The following GRM5 variants were observed in gnomAD, a reference collection of about 807,000 sequenced individuals.
The protein encoded by GRM5 is metabotropic glutamate receptor 5.
GRM5 carries 19 observed loss-of-function variants against 83.1 expected under a neutral mutation model. The observed-to-expected ratio is 0.23, with a 90% CI of 0.16 to 0.34. The LOEUF (loss-of-function observed/expected upper bound fraction) is 0.34, where lower values mean the gene tolerates loss of function less well. Among genes scored for constraint, GRM5 ranks in the 10% least tolerant of loss-of-function variants. The pLI is 1.00. For synonymous variants in GRM5, 675 were observed against 633.6 expected, an observed-to-expected ratio of 1.07 and a Z score of -0.98; for missense variants, 1,160 against 1,588.3, an observed-to-expected ratio of 0.73 and a Z score of 4.58.
At chr11:88,950,049 G>A (rs1033498464) in intron 2 of GRM5, among the ~76,000 whole-genome samples, 1 of 111,284 alleles carries the variant, frequency 9.0e-6, no homozygotes, top group Admixed American at 9.3e-5. Context: ...TTTTTTTTTT[G>A]TATTTTAGTA....
At chr11:88,630,597 T>A (rs1213951295) in intron 4 of GRM5, among the ~76,000 whole-genome samples, 1 of 149,052 alleles carries the variant, frequency 6.7e-6, no homozygotes, top group Non-Finnish European at 1.5e-5. Context: ...ACACATATTA[T>A]GATGGAGTTT....
chr11:88,843,536 C>T lies in GRM5; in HGVS notation c.911+6370G>A, dbSNP rs189336219. 1.4e-4 allele frequency among the ~76,000 whole-genome samples: 22 copies of T among 152,296 alleles called. No individual in the cohort carries two copies. The Middle Eastern group carries it at 0.01, about 71-fold the overall frequency. On this transcript the variant is annotated intron_variant, in intron 3 of 9. Transcript: ENST00000305447. ...TGGCTGTACTTCCGTCTCTCTCCCT[C>T]TCCTCAGGCCTCCCTAACCCTAGAG...
Position 88,613,536 on chromosome 11 carries a change from A to G in GRM5, c.1148-8572T>C, listed in dbSNP as rs796928011. On this transcript the variant is annotated intron_variant, in intron 4 of 9. Coordinates refer to ENST00000305447, the MANE Select transcript of GRM5 (RefSeq NM_001143831.3). ...GTTTTTTGTTTTCCATTTGCCTGATAGATCTTTCTCCATGTCTTTAGTTTT... is the reference window on the plus strand; with the variant it reads ...GTTTTTTGTTTTCCATTTGCCTGATGGATCTTTCTCCATGTCTTTAGTTTT... Among the ~76,000 whole-genome samples, 3 of 152,178 alleles carry G rather than the reference A, an allele frequency of 2.0e-5. No homozygotes were observed. In the South Asian group the frequency reaches 6.2e-4, roughly 31 times the overall value.
At chr11:88,666,640 T>C (rs949742107) in intron 3 of GRM5, among the ~76,000 whole-genome samples, 7 of 152,224 alleles carry the variant, frequency 4.6e-5, no homozygotes, top group African/African-American at 1.7e-4. Flanking sequence ...GTAACCACTT[T>C]GAGTTTTTAT....
At chr11:88,741,172 T>C (rs1942020171) in intron 3 of GRM5, among the ~76,000 whole-genome samples, 1 of 152,014 alleles carries the variant, frequency 6.6e-6, no homozygotes, top group Non-Finnish European at 1.5e-5. Context: ...ATAACAAATA[T>C]CAGCGTGGCT....
At chr11:89,018,771 G>C (rs921163274) in intron 2 of GRM5, among the ~76,000 whole-genome samples, 2 of 152,042 alleles carry the variant, frequency 1.3e-5, no homozygotes, top group East Asian at 1.9e-4. Context: ...GAATTTTGAA[G>C]GATAAATAAG....
intron 3 of GRM5, among the ~76,000 whole-genome samples, chr11:88,692,325 A>C (rs1387777019): frequency 6.6e-6 from 1 of 152,218 alleles, no homozygotes; most frequent in Admixed American, 6.5e-5. Flanking sequence ...GATTTTATAC[A>C]GAGTAAGTGC....
chr11:88,765,469 A>T (rs1942610322), intron 3 of GRM5, among the ~76,000 whole-genome samples: 1 of 151,490 alleles, frequency 6.6e-6, no homozygotes, highest in South Asian at 2.1e-4. Flanking sequence ...AAGCCATAGT[A>T]ATCGTAACAG....
At chr11:88,780,037 C>A (rs1382797142) in intron 3 of GRM5, among the ~76,000 whole-genome samples, 1 of 152,182 alleles carries the variant, frequency 6.6e-6, no homozygotes, top group African/African-American at 2.4e-5. Context: ...TTGGCTAAGT[C>A]TGACTAATTT....
At chr11:88,681,022 T>A (rs1940471672) in intron 3 of GRM5, among the ~76,000 whole-genome samples, 1 of 152,200 alleles carries the variant, frequency 6.6e-6, no homozygotes, top group African/African-American at 2.4e-5. Context: ...ACTCATTCTA[T>A]GTCTCAGAGT....
At chr11:88,994,045 T>A (rs1264806852) in intron 2 of GRM5, among the ~76,000 whole-genome samples, 1 of 151,876 alleles carries the variant, frequency 6.6e-6, no homozygotes, top group African/African-American at 2.4e-5. Context: ...ATAAAAGCAA[T>A]ATACAAAAAT....
intron 3 of GRM5, among the ~76,000 whole-genome samples, chr11:88,826,983 A>G (rs10501694): frequency 0.17 from 25,502 of 152,158 alleles, 3,537 homozygotes; most frequent in African/African-American, 0.36. Flanking sequence ...GTTTCTTGGC[A>G]TATCATTAGA....
At chr11:88,869,375 CATT>C (rs1365225621) in intron 2 of GRM5, among the ~76,000 whole-genome samples, 1 of 151,016 alleles carries the variant, frequency 6.6e-6, no homozygotes, top group African/African-American at 2.4e-5. Context: ...ATTAAAAACT[CATT>C]ATTATTGATA....
chr11:88,636,402 C>T (rs1253804315), intron 4 of GRM5, among the ~76,000 whole-genome samples: 1 of 152,040 alleles, frequency 6.6e-6, no homozygotes, highest in Admixed American at 6.6e-5. Context: ...ATCCCAGATA[C>T]TCAGGAGGCT....
chr11:88,950,558 A>C (rs374494381), intron 2 of GRM5, among the ~76,000 whole-genome samples: 26 of 152,306 alleles, frequency 1.7e-4, no homozygotes, highest in African/African-American at 5.8e-4. Context: ...AACTATTGAA[A>C]ATAATACAAG....
chr11:88,724,090 A>C (rs1195979207), intron 3 of GRM5, among the ~76,000 whole-genome samples: 1 of 152,168 alleles, frequency 6.6e-6, no homozygotes, highest in Admixed American at 6.5e-5. Context: ...ATGAGGACTT[A>C]CATGTGCTCG....
intron 2 of GRM5, among the ~76,000 whole-genome samples, chr11:88,953,806 T>G (rs1041439484): frequency 6.6e-6 from 1 of 152,200 alleles, no homozygotes; most frequent in Non-Finnish European, 1.5e-5. Flanking sequence ...CACAATTGAG[T>G]GCTTTATGAT....
intron 3 of GRM5, among the ~76,000 whole-genome samples, chr11:88,844,798 G>T (rs1944269409): frequency 6.6e-6 from 1 of 152,142 alleles, no homozygotes; most frequent in Non-Finnish European, 1.5e-5. Context: ...TCCAGTCAAG[G>T]AAATAACTGA....
chr11:88,739,891 A>G (rs548503922), intron 3 of GRM5, among the ~76,000 whole-genome samples: 3 of 152,110 alleles, frequency 2.0e-5, no homozygotes, highest in Non-Finnish European at 2.9e-5. Flanking sequence ...TTTACAGAAT[A>G]TAGCACAATT....
Sources: gnomAD v4.1 joint callset for allele counts (sites outside exome capture counted in the v4.1 genomes callset) on GRCh38, gnomAD v4.1.1 for gene constraint, MANE v1.5 for transcripts, NCBI Gene and HGNC (gene_info 2026-07-23, HGNC 2026-07-21) for gene names.